IQGAP3: variants seen among roughly 807,000 people sequenced by gnomAD.
IQGAP3 encodes the protein ras GTPase-activating-like protein IQGAP3.
Under a neutral mutation model 208.2 loss-of-function variants are expected in IQGAP3, and 165 were observed. The observed-to-expected ratio is 0.79, with a 90% CI of 0.70 to 0.90. The LOEUF (loss-of-function observed/expected upper bound fraction) is 0.90. IQGAP3 is among the 40% of genes least tolerant of loss of function. The probability of loss-of-function intolerance (pLI) is 0.00; values close to 1 mark genes in which losing one functional copy is unlikely to be tolerated. For missense variants in IQGAP3, 1,811 were observed against 2,043.1 expected (o/e 0.89, Z 2.19); for synonymous variants, 703 against 803.6 (o/e 0.87, Z 2.12).
At chr1:156,551,290 C>G (rs979261183) in intron 15 of IQGAP3, among the ~76,000 whole-genome samples, 5 of 152,216 alleles carry the variant, frequency 3.3e-5, no homozygotes, top group African/African-American at 1.2e-4. Context: ...CTCAACCACT[C>G]TCTACTGCAA....
At chr1:156,562,691 C>T (rs911164697) in intron 8 of IQGAP3, 26 bp from the exon 9 acceptor site, 1 of 1,572,914 alleles carries the variant, frequency 6.4e-7, no homozygotes. Context: ...TGAAAGGGAA[C>T]CTGGGAAACC....
At chr1:156,540,965 C>A (rs1391112843) in intron 22 of IQGAP3, 49 bp from the exon 23 acceptor site, 2 of 1,504,906 alleles carry the variant, frequency 1.3e-6, no homozygotes, top group East Asian at 2.3e-5. Context: ...TCATCAGAGG[C>A]CTCCTCACCA....
chr1:156,567,026 C>T (rs1428489425), intron 2 of IQGAP3, among the ~76,000 whole-genome samples: 1 of 152,068 alleles, frequency 6.6e-6, no homozygotes, highest in Non-Finnish European at 1.5e-5. Flanking sequence ...CCCCACCACG[C>T]CCAGCTAATT....
At chr1:156,531,373 A>G in intron 32 of IQGAP3, 126 bp from the exon 33 acceptor site, 3 of 721,256 alleles carry the variant, frequency 4.2e-6, no homozygotes, top group Non-Finnish European at 7.6e-6. Context: ...ATATAAGGAG[A>G]GAGAGCGAGG....
intron 11 of IQGAP3, among the ~76,000 whole-genome samples, chr1:156,560,573 GAGA>G (rs1289443077): frequency 1.3e-5 from 2 of 152,208 alleles, no homozygotes; most frequent in African/African-American, 4.8e-5. Context: ...AAGGGAAACT[GAGA>G]AGATGAGTTT....
In IQGAP3 at chr1:156,548,243, A is replaced by T; in HGVS notation, c.2134T>A (p.Ser712Thr). Residue 712 changes from serine to threonine, a missense_variant and splice_region_variant, in exon 19 of 38, where the codon TCA becomes ACA. By Grantham distance (58) the Ser-to-Thr change is moderately conservative. Coordinates refer to ENST00000361170, the MANE Select transcript of IQGAP3 (RefSeq NM_178229.5). ...GCAGCAGTGACCTTGGTGACAGCTG[A>T]CTGTGGAGGCAGGAGAGAGACGCTG... ...TSHLTREEIQ[S>T]AVTKVTAAYD... 1 of 1,613,242 alleles carries T rather than the reference A, an allele frequency of 6.2e-7. No individual in the cohort carries two copies. Among genetic ancestry groups the T allele is most frequent in the Non-Finnish European group, 8.5e-7 (1 of 1,179,354 alleles).
At position 156,526,219 on chromosome 1, in the gene IQGAP3, C is replaced by T. The variant is rs1246994448; in HGVS notation, c.*267G>A. On this transcript the variant is annotated 3_prime_UTR_variant, in exon 38 of 38. Transcript: ENST00000361170. ...GCTTTCCCAGGTCAAGGTCCATGTC[C>T]TACCATCTGGCAGGAAAGCCAGGGG... is the stretch of plus-strand genomic sequence containing the variant. The T allele has an allele frequency of 6.6e-6, 3 of 451,562 alleles. No homozygotes were observed. Among genetic ancestry groups the T allele is most frequent in the Non-Finnish European group, 1.2e-5 (3 of 245,884 alleles). 28.0% of individuals were successfully genotyped at this position (451,562 alleles called of 1,614,324 possible).
chr1:156,569,046 A>AT (rs548556585), intron 2 of IQGAP3, among the ~76,000 whole-genome samples: 29 of 150,390 alleles, frequency 1.9e-4, no homozygotes, highest in South Asian at 8.4e-4. Flanking sequence ...GTAAAAACAG[A>AT]TTTTTTTTTT....
intron 27 of IQGAP3, 28 bp from the exon 28 acceptor site, chr1:156,535,275 G>A: frequency 1.3e-6 from 2 of 1,493,366 alleles, no homozygotes; most frequent in South Asian, 1.2e-5. Flanking sequence ...GGTGCGCGTG[G>A]CTGTGCCTCT....
In IQGAP3 at chr1:156,551,815, T is replaced by C; in HGVS notation, c.1624A>G (p.Lys542Glu). Residue 542 changes from lysine to glutamate, a missense_variant, in exon 15 of 38, where the codon AAG becomes GAG. Transcript: ENST00000361170. ...NEALDKGSPE[K>E]TLSALLLPAA... The stretch of plus-strand genomic sequence containing the variant: ...GGAAGCAGTAGGGCAGACAGAGTCT[T>C]CTCAGGGCTGCCTTTGTCCAGAGCC... The C allele has an allele frequency of 1.2e-6, 2 of 1,613,740 alleles. No homozygotes were observed. The highest frequency in any genetic ancestry group is 1.7e-6 in the Non-Finnish European group (2 of 1,179,848).
chr1:156,538,106 C>T (rs1674792516), intron 26 of IQGAP3, among the ~76,000 whole-genome samples: 1 of 151,892 alleles, frequency 6.6e-6, no homozygotes, highest in African/African-American at 2.4e-5. Context: ...TGTCGCCCAG[C>T]CTGGAGTGCA....
chr1:156,563,028 A>T (rs1390576087), intron 8 of IQGAP3, 106 bp downstream of exon 8: 8 of 942,000 alleles, frequency 8.5e-6, no homozygotes, highest in Non-Finnish European at 1.3e-5. Flanking sequence ...TTTCTCTAAG[A>T]AGCAATTTTG....
In IQGAP3 at chr1:156,551,699, C is replaced by A. The variant is rs1571342199; in HGVS notation, c.1734+6G>T. ...TGATGACCAACCCAACCAGCCCTAA[C>A]TTCACCTGGGCCTTCTGCCTTTTGG... On this transcript the variant is annotated splice_donor_region_variant and intron_variant, in intron 15 of 37. Transcript: ENST00000361170. 6.2e-7 allele frequency: 1 copy of A among 1,606,686 alleles called. No homozygotes were observed. Among genetic ancestry groups the A allele is most frequent in the East Asian group, 2.2e-5 (1 of 44,830 alleles).
Position 156,537,328 on chromosome 1 carries a change from G to A in IQGAP3, c.3282-7C>T. On this transcript the variant is annotated splice_polypyrimidine_tract_variant and splice_region_variant and intron_variant, in intron 26 of 37. Transcript: ENST00000361170. Reference sequence around the variant, plus strand: ...GACATCATATGGGAGATGGCTATGAGCAGAGAGAGACAAGGTGTAAGCAGG... The same window carrying A: ...GACATCATATGGGAGATGGCTATGAACAGAGAGAGACAAGGTGTAAGCAGG... 1.2e-6 allele frequency: 2 copies of A among 1,609,264 alleles called. No individual in the cohort carries two copies. Among genetic ancestry groups the A allele is most frequent in the Non-Finnish European group, 8.5e-7 (1 of 1,177,554 alleles).
At position 156,566,139 on chromosome 1, in the gene IQGAP3, A is replaced by G. The variant is rs747781940; in HGVS notation, c.283-35T>C. The G allele has an allele frequency of 2.6e-6, 4 of 1,564,062 alleles. No individual in the cohort carries two copies. The African/African-American group carries it at 5.4e-5, about 21-fold the overall frequency. On this transcript the variant is annotated intron_variant, in intron 3 of 37. Transcript: ENST00000361170. ...AAGGAAAAAGAAAATCTATTTCCAC[A>G]GTTCTCAGCACTCCCTATGGGTAAA...
At chr1:156,534,824 A>G in intron 28 of IQGAP3, 91 bp from the exon 29 acceptor site, 1 of 927,092 alleles carries the variant, frequency 1.1e-6, no homozygotes, top group Non-Finnish European at 1.6e-6. Flanking sequence ...TGGAAGGGAC[A>G]CCTGGGCCAA....
chr1:156,560,711 G>A (rs918381554), intron 11 of IQGAP3, among the ~76,000 whole-genome samples: 2 of 152,130 alleles, frequency 1.3e-5, no homozygotes, highest in Non-Finnish European at 2.9e-5. Context: ...ACAGCCCAGT[G>A]CAGTATTGGC....
At chr1:156,538,339 C>T (rs1301918996) in intron 26 of IQGAP3, among the ~76,000 whole-genome samples, 3 of 152,166 alleles carry the variant, frequency 2.0e-5, no homozygotes, top group Admixed American at 6.5e-5. Context: ...GGATTACAGG[C>T]GTGAGCCACC....
Position 156,526,582 on chromosome 1 carries a change from C to G in IQGAP3, c.4800G>C (p.Gln1600His). 1 of 1,613,730 alleles carries G rather than the reference C, an allele frequency of 6.2e-7. No individual in the cohort carries two copies. The highest frequency in any genetic ancestry group is 8.5e-7 in the Non-Finnish European group (1 of 1,179,606). Residue 1600 changes from glutamine to histidine, a missense_variant, in exon 38 of 38, where the codon CAG becomes CAC. Transcript: ENST00000361170. ...QLHYQDLLQL[Q>H]YEGVAVMKLF... ...GTTTCATGACAGCCACACCCTCATACTGGAGCTGCAGGAGATCCTAGGAGG... is the reference window on the plus strand; with the variant it reads ...GTTTCATGACAGCCACACCCTCATAGTGGAGCTGCAGGAGATCCTAGGAGG...
Sources: allele counts gnomAD v4.1 joint callset (sites outside exome capture counted in the v4.1 genomes callset), GRCh38; gene constraint gnomAD v4.1.1; transcripts MANE v1.5; gene names NCBI Gene and HGNC (gene_info 2026-07-23, HGNC 2026-07-21).